KCNIP4: variants seen among roughly 807,000 people sequenced by gnomAD.
The protein encoded by KCNIP4 is potassium voltage-gated channel interacting protein 4.
Under a neutral mutation model 34.0 loss-of-function variants are expected in KCNIP4, and 12 were observed. That is an observed-to-expected ratio of 0.35 (90% CI 0.23 to 0.57). KCNIP4 has a LOEUF of 0.57. Ranked by LOEUF, KCNIP4 falls within the 20% of genes least tolerant of loss-of-function variation. The probability of loss-of-function intolerance (pLI) is 0.83; values close to 1 mark genes in which losing one functional copy is unlikely to be tolerated. For synonymous variants in KCNIP4, 124 were observed against 102.2 expected (o/e 1.21, Z -1.29); for missense variants, 238 against 311.7 (o/e 0.76, Z 1.78).
At chr4:21,718,915 G>A (rs182525355) in intron 1 of KCNIP4, 82 of 152,280 alleles carry the variant, frequency 5.4e-4, no homozygotes, top group African/African-American at 1.9e-3. Context: ...AATTGCAAAT[G>A]TCAACAATTG....
chr4:21,069,078 G>T (rs964505749), intron 1 of KCNIP4, among the ~76,000 whole-genome samples: 3 of 152,082 alleles, frequency 2.0e-5, no homozygotes, highest in African/African-American at 7.2e-5. Context: ...GTTATTGTAA[G>T]GATTAAATAA....
At chr4:21,346,194 G>GA (rs1389668534) in intron 1 of KCNIP4, among the ~76,000 whole-genome samples, 4 of 1,656 alleles carry the variant, frequency 2.4e-3, no homozygotes, top group East Asian at 0.04. Flanking sequence ...TATATATATA[G>GA]AATTATATAT....
At chr4:21,753,202 CA>C (rs1242154967) in intron 1 of KCNIP4, among the ~76,000 whole-genome samples, 1 of 152,108 alleles carries the variant, frequency 6.6e-6, no homozygotes, top group Non-Finnish European at 1.5e-5. Flanking sequence ...GCATAATCTG[CA>C]AAGGTTTTTC....
intron 1 of KCNIP4, among the ~76,000 whole-genome samples, chr4:21,183,550 T>G (rs1047701579): frequency 6.6e-6 from 1 of 150,858 alleles, no homozygotes; most frequent in South Asian, 2.1e-4. Flanking sequence ...CTCAGCTCAC[T>G]GCACCTCTGC....
chr4:21,152,874 C>G (rs6819766), intron 1 of KCNIP4, among the ~76,000 whole-genome samples: 40,623 of 152,108 alleles, frequency 0.27, 5,928 homozygotes, highest in African/African-American at 0.38. Flanking sequence ...TGAGGTCGAA[C>G]AGTTTCCTCT....
intron 1 of KCNIP4, among the ~76,000 whole-genome samples, chr4:20,956,761 A>G (rs1404713364): frequency 5.3e-5 from 8 of 152,210 alleles, no homozygotes; most frequent in Admixed American, 5.2e-4. Flanking sequence ...AAGAAGTAAA[A>G]CAACCTCTTA....
intron 1 of KCNIP4, among the ~76,000 whole-genome samples, chr4:21,242,277 A>C (rs961202742): frequency 4.6e-5 from 7 of 152,108 alleles, no homozygotes; most frequent in Non-Finnish European, 8.8e-5. Context: ...ATACATCGAT[A>C]ACCCAAAACA....
chr4:21,492,074 A>G (rs1732448523), intron 1 of KCNIP4, among the ~76,000 whole-genome samples: 1 of 152,188 alleles, frequency 6.6e-6, no homozygotes, highest in South Asian at 2.1e-4. Flanking sequence ...AGTATCTGAG[A>G]GAAGGTTTGT....
At chr4:20,744,903 A>G (rs1752084822) in intron 5 of KCNIP4, among the ~76,000 whole-genome samples, 1 of 152,198 alleles carries the variant, frequency 6.6e-6, no homozygotes, top group Non-Finnish European at 1.5e-5. Flanking sequence ...AGTTCACTTC[A>G]TCTCTGAGTC....
At chr4:21,714,787 T>TGTATC (rs147076758) in intron 1 of KCNIP4, among the ~76,000 whole-genome samples, 1 of 12,022 alleles carries the variant, frequency 8.3e-5, no homozygotes, top group South Asian at 3.7e-3. Flanking sequence ...TTCCCTTTGA[T>TGTATC]TATTTTATTT....
At chr4:21,103,942 C>T (rs1577695827) in intron 1 of KCNIP4, among the ~76,000 whole-genome samples, 1 of 152,122 alleles carries the variant, frequency 6.6e-6, no homozygotes, top group Non-Finnish European at 1.5e-5. Context: ...GCATAGTATT[C>T]CATGGTGTAC....
chr4:21,327,114 T>G (rs934580454), intron 1 of KCNIP4, among the ~76,000 whole-genome samples: 1 of 152,082 alleles, frequency 6.6e-6, no homozygotes, highest in African/African-American at 2.4e-5. Flanking sequence ...TCTGTGTTCT[T>G]AATATGTTTT....
intron 1 of KCNIP4, among the ~76,000 whole-genome samples, chr4:21,584,589 C>T (rs1741474489): frequency 6.6e-6 from 1 of 152,046 alleles, no homozygotes; most frequent in African/African-American, 2.4e-5. Context: ...ACAATTATTA[C>T]TAATCCTCAA....
rs754959572 is a variant in KCNIP4 at position 20,864,010 on chromosome 4, ATGTG to A, written c.164-13347_164-13344del. Among the ~76,000 whole-genome samples, 1,301 of 145,768 alleles carry A rather than the reference ATGTG, an allele frequency of 8.9e-3. 13 individuals carry two copies. Among genetic ancestry groups the A allele is most frequent in the Middle Eastern group, 0.026 (7 of 274 alleles). ...TATAACTAGATATACGTACATGTAA[ATGTG>A]TGTATGTATACATACATATGTATGT... On this transcript the variant is annotated intron_variant, in intron 2 of 8. Transcript: ENST00000382152.
chr4:21,890,904 G>T (rs1022978796), intron 1 of KCNIP4, among the ~76,000 whole-genome samples: 4 of 152,038 alleles, frequency 2.6e-5, no homozygotes, highest in African/African-American at 9.7e-5. Context: ...TTACATACAG[G>T]GCAGTTCAGT....
At chr4:21,422,165 G>A (rs1725511682) in intron 1 of KCNIP4, among the ~76,000 whole-genome samples, 1 of 151,124 alleles carries the variant, frequency 6.6e-6, no homozygotes, top group African/African-American at 2.4e-5. Context: ...ACAGACAGAA[G>A]TATTTTATAT....
chr4:21,545,565 A>T (rs12651530), intron 1 of KCNIP4, among the ~76,000 whole-genome samples: 54,047 of 151,524 alleles, frequency 0.36, 9,880 homozygotes, highest in South Asian at 0.52. Context: ...GCCCGGTGAG[A>T]GATATTCCCC....
chr4:20,796,081 A>G (rs552705919), intron 3 of KCNIP4, among the ~76,000 whole-genome samples: 1 of 152,380 alleles, frequency 6.6e-6, no homozygotes, highest in Admixed American at 6.5e-5. Context: ...GAGTGCATAC[A>G]TGCAGAAAGT....
chr4:20,841,512 T>A (rs572990750), intron 3 of KCNIP4, among the ~76,000 whole-genome samples: 6 of 152,152 alleles, frequency 3.9e-5, no homozygotes, highest in Non-Finnish European at 8.8e-5. Flanking sequence ...AAGATAGCTG[T>A]GAGTCCTCCT....
Sources: gnomAD v4.1 joint callset for allele counts (sites outside exome capture counted in the v4.1 genomes callset) on GRCh38, gnomAD v4.1.1 for gene constraint, MANE v1.5 for transcripts, NCBI Gene and HGNC (gene_info 2026-07-23, HGNC 2026-07-21) for gene names.